GPM6A: variants seen among roughly 807,000 people sequenced by gnomAD.
GPM6A encodes the protein glycoprotein M6A.
GPM6A carries 7 observed loss-of-function variants against 32.1 expected under a neutral mutation model. The ratio of observed to expected loss-of-function variants is 0.22; its 90% CI spans 0.12 to 0.41. GPM6A has a LOEUF of 0.41. Ranked by LOEUF, GPM6A falls within the 10% of genes least tolerant of loss-of-function variation. The probability of loss-of-function intolerance (pLI) is 1.00; values close to 1 mark genes in which losing one functional copy is unlikely to be tolerated. For synonymous variants in GPM6A, 130 were observed against 123.4 expected (o/e 1.05, Z -0.35); for missense variants, 235 against 347.2 (o/e 0.68, Z 2.57).
chr4:175,923,987 G>C (rs1054805809), intron 1 of GPM6A, among the ~76,000 whole-genome samples: 5 of 152,160 alleles, frequency 3.3e-5, no homozygotes, highest in African/African-American at 1.2e-4. Context: ...GGTTTGCCTA[G>C]AATAGTCCTA....
intron 2 of GPM6A, among the ~76,000 whole-genome samples, chr4:175,674,930 C>T (rs1242654398): frequency 2.0e-5 from 3 of 151,118 alleles, no homozygotes; most frequent in African/African-American, 7.3e-5. Context: ...CACCATGTGG[C>T]TAAAATAAAA....
chr4:175,678,445 A>T (rs943460466), intron 2 of GPM6A, among the ~76,000 whole-genome samples: 1 of 152,148 alleles, frequency 6.6e-6, no homozygotes, highest in Admixed American at 6.5e-5. Context: ...ATTATATACA[A>T]GAGCAAAATG....
chr4:175,766,615 T>C (rs888439092), intron 1 of GPM6A, among the ~76,000 whole-genome samples: 1 of 152,020 alleles, frequency 6.6e-6, no homozygotes, highest in African/African-American at 2.4e-5. Flanking sequence ...GAGCACATTG[T>C]CTAATGATGT....
At chr4:175,774,998 TG>T (rs1158146459) in intron 1 of GPM6A, among the ~76,000 whole-genome samples, 1 of 152,124 alleles carries the variant, frequency 6.6e-6, no homozygotes, top group East Asian at 1.9e-4. Context: ...TCAATATGGA[TG>T]TACAATAATA....
At chr4:175,775,846 T>A (rs1733371898) in intron 1 of GPM6A, among the ~76,000 whole-genome samples, 1 of 152,126 alleles carries the variant, frequency 6.6e-6, no homozygotes, top group Non-Finnish European at 1.5e-5. Context: ...TGAATCAACA[T>A]GCTGCGGAAA....
At chr4:175,936,354 A>G (rs1309867792) in intron 1 of GPM6A, among the ~76,000 whole-genome samples, 5 of 145,740 alleles carry the variant, frequency 3.4e-5, no homozygotes, top group African/African-American at 1.2e-4. Flanking sequence ...TTCCTGTTAT[A>G]TAATAAAATT....
chr4:175,923,023 CTT>C (rs1428426982), intron 1 of GPM6A, among the ~76,000 whole-genome samples: 1 of 151,814 alleles, frequency 6.6e-6, no homozygotes, highest in Non-Finnish European at 1.5e-5. Flanking sequence ...ATAATCCACG[CTT>C]GTTATTTGTC....
chr4:175,716,915 A>G (rs1426595583), intron 1 of GPM6A, among the ~76,000 whole-genome samples: 3 of 152,228 alleles, frequency 2.0e-5, no homozygotes, highest in Non-Finnish European at 4.4e-5. Context: ...TATGTGTCTC[A>G]TGGAAACAGA....
At chr4:175,924,839 CAAAAAAA>C (rs1190915755) in intron 1 of GPM6A, among the ~76,000 whole-genome samples, 1 of 61,992 alleles carries the variant, frequency 1.6e-5, no homozygotes, top group East Asian at 6.1e-4. Context: ...AAATCTGTCT[CAAAAAAA>C]AAAAAAAAAA....
chr4:175,917,102 A>G (rs1738517458), intron 1 of GPM6A, among the ~76,000 whole-genome samples: 1 of 152,102 alleles, frequency 6.6e-6, no homozygotes, highest in Non-Finnish European at 1.5e-5. Context: ...TCATCCGTCT[A>G]TAGAAGTCCA....
chr4:175,714,010 A>G (rs910692644), intron 1 of GPM6A, among the ~76,000 whole-genome samples: 1 of 152,044 alleles, frequency 6.6e-6, no homozygotes, highest in Non-Finnish European at 1.5e-5. Flanking sequence ...TTTGTATTTA[A>G]TAATATCTTT....
At chr4:175,989,005 C>A (rs571470778) in intron 1 of GPM6A, among the ~76,000 whole-genome samples, 1 of 152,252 alleles carries the variant, frequency 6.6e-6, no homozygotes, top group East Asian at 1.9e-4. Context: ...ACTTGTACCC[C>A]AATTCTGTAG....
At chr4:175,945,581 C>T (rs553248876) in intron 1 of GPM6A, among the ~76,000 whole-genome samples, 2 of 150,778 alleles carry the variant, frequency 1.3e-5, no homozygotes, top group African/African-American at 4.9e-5. Context: ...GTAATACGCA[C>T]CCATATTACT....
chr4:175,840,073 G>T (rs963438958), intron 1 of GPM6A, among the ~76,000 whole-genome samples: 2 of 152,090 alleles, frequency 1.3e-5, no homozygotes, highest in African/African-American at 2.4e-5. Context: ...ATATGACTGG[G>T]AGAAAAATAA....
chr4:175,782,512 G>A (rs1185533172), intron 1 of GPM6A, among the ~76,000 whole-genome samples: 1 of 151,952 alleles, frequency 6.6e-6, no homozygotes, highest in East Asian at 1.9e-4. Context: ...TTTCAAAGAT[G>A]GAAATAATAC....
At chr4:175,944,390 C>T (rs536837769) in intron 1 of GPM6A, among the ~76,000 whole-genome samples, 1 of 152,224 alleles carries the variant, frequency 6.6e-6, no homozygotes, top group Non-Finnish European at 1.5e-5. Context: ...GGAAACAGCC[C>T]GAGTAAGTCA....
intron 1 of GPM6A, among the ~76,000 whole-genome samples, chr4:175,880,398 A>G (rs942483580): frequency 6.6e-6 from 1 of 152,136 alleles, no homozygotes; most frequent in Non-Finnish European, 1.5e-5. Flanking sequence ...ATGAACTTTA[A>G]AGTAGTTTTT....
Position 175,947,030 on chromosome 4 carries a change from G to A in GPM6A, c.-23+55279C>T, listed in dbSNP as rs142570006. Among the ~76,000 whole-genome samples the A allele has an allele frequency of 6.6e-3, 1,003 of 152,262 alleles. 5 individuals carry two copies. Among genetic ancestry groups the A allele is most frequent in the African/African-American group, 0.023 (951 of 41,538 alleles). ...CTTCATTTATAGGATGAAATGAAGTGTGTGTGGCTTTCTTATTGCTTTCTT... is the reference window on the plus strand; with the variant it reads ...CTTCATTTATAGGATGAAATGAAGTATGTGTGGCTTTCTTATTGCTTTCTT... On this transcript the variant is annotated intron_variant, in intron 1 of 7. Transcript: ENST00000280187.
At chr4:175,763,793 C>T (rs1732852092) in intron 1 of GPM6A, among the ~76,000 whole-genome samples, 1 of 152,014 alleles carries the variant, frequency 6.6e-6, no homozygotes, top group Non-Finnish European at 1.5e-5. Context: ...TTTAAATTTG[C>T]TTTTATTCTC....
Sources: allele counts gnomAD v4.1 joint callset (sites outside exome capture counted in the v4.1 genomes callset), GRCh38; gene constraint gnomAD v4.1.1; transcripts MANE v1.5; gene names NCBI Gene and HGNC (gene_info 2026-07-23, HGNC 2026-07-21).